Variants in SLC25A4 observed in about 807,000 individuals in gnomAD.
SLC25A4 encodes the protein ADP/ATP translocase 1.
SLC25A4 carries 10 observed loss-of-function variants against 24.7 expected under a neutral mutation model. That is an observed-to-expected ratio of 0.41 (90% CI 0.25 to 0.69). SLC25A4 has a LOEUF of 0.69. Among genes scored for constraint, SLC25A4 ranks in the 30% least tolerant of loss-of-function variants. The probability of loss-of-function intolerance (pLI) is 0.35; values close to 1 mark genes in which losing one functional copy is unlikely to be tolerated. For missense variants in SLC25A4, 273 were observed against 387.6 expected, an observed-to-expected ratio of 0.70 and a Z score of 2.48; for synonymous variants, 125 against 153.3, an observed-to-expected ratio of 0.82 and a Z score of 1.36.
chr4:185,144,699 T>C lies in SLC25A4; in HGVS notation c.112-65T>C. The C allele has an allele frequency of 2.6e-6, 4 of 1,536,892 alleles. No homozygotes were observed. The South Asian group carries it at 4.6e-5, about 18-fold the overall frequency. ...TCTAGGAAGTGCAAACCTTTTTTTT[T>C]CTCCTGTCCTCTTCCCTTCTCTCTA... On this transcript the variant is annotated intron_variant, in intron 1 of 3. Transcript: ENST00000281456.
At chr4:185,144,704 T>G in intron 1 of SLC25A4, 60 bp from the exon 2 acceptor site, 7 of 1,522,168 alleles carry the variant, frequency 4.6e-6, no homozygotes, top group Non-Finnish European at 5.4e-6. Context: ...TTTTTTCTCC[T>G]GTCCTCTTCC....
chr4:185,146,699 A>G, intron 3 of SLC25A4, 115 bp from the exon 4 acceptor site: 5 of 1,215,296 alleles, frequency 4.1e-6, no homozygotes, highest in Non-Finnish European at 6.1e-6. Context: ...CTGGGACTCC[A>G]TGCCCAGATG....
rs11555894 is a variant in SLC25A4 at position 185,143,376 on chromosome 4, G to A, written c.4G>A (p.Gly2Ser). The A allele has an allele frequency of 1.3e-6, 2 of 1,526,656 alleles. No homozygotes were observed. The highest frequency in any genetic ancestry group is 8.8e-7 in the Non-Finnish European group (1 of 1,131,578). The allele number at this position is 1,526,656 out of a possible 1,614,324, so 94.6% of individuals were successfully genotyped here. ...CTGAGAGCGTCGAGCTGTCACCATG[G>A]GTGATCACGCTTGGAGCTTCCTAAA... is the stretch of plus-strand genomic sequence containing the variant. M[G>S]DHAWSFLKDF... The change falls in exon 1 of 4, where the codon GGT becomes AGT. Residue 2 changes from glycine (G) to serine (S), a missense_variant. Physicochemically the swap from Gly to Ser is moderately conservative, Grantham distance 56. Transcript: ENST00000281456.
At position 185,149,995 on chromosome 4, in the gene SLC25A4, C is replaced by T. The variant is rs932276798; in HGVS notation, c.*3024C>T. On this transcript the variant is annotated 3_prime_UTR_variant, in exon 4 of 4. Coordinates refer to ENST00000281456, the MANE Select transcript of SLC25A4 (RefSeq NM_001151.4). ...TCTCAATTAACTGGGCGACTGCTCC[C>T]GTTCCATTTTATTCTGTAAAATATG... is the stretch of plus-strand genomic sequence containing the variant. 1 of 152,208 alleles carries T rather than the reference C, an allele frequency of 6.6e-6. No individual in the cohort carries two copies. The highest frequency in any genetic ancestry group is 2.1e-4 in the South Asian group (1 of 4,836). The allele number at this position is 152,208 out of a possible 1,614,324, so 9.4% of individuals were successfully genotyped here.
At position 185,146,907 on chromosome 4, in the gene SLC25A4, T is replaced by C. The variant is rs1476620723; in HGVS notation, c.833T>C (p.Val278Ala). ...KAFFKGAWSNVLRGMGGAFVL... is the reference protein window; with the variant it reads ...KAFFKGAWSNALRGMGGAFVL... ...TTCTTCAAAGGTGCCTGGTCCAATG[T>C]GCTGAGAGGCATGGGCGGTGCTTTT... is the stretch of plus-strand genomic sequence containing the variant. Residue 278 changes from valine (V) to alanine (A), a missense_variant, in exon 4 of 4, where the codon GTG (valine) becomes GCG (alanine). Coordinates refer to ENST00000281456, the MANE Select transcript of SLC25A4 (RefSeq NM_001151.4). The C allele has an allele frequency of 3.7e-6, 6 of 1,614,090 alleles. No individual in the cohort carries two copies. Among genetic ancestry groups the C allele is most frequent in the Non-Finnish European group, 5.1e-6 (6 of 1,180,046 alleles).
At position 185,144,830 on chromosome 4, in the gene SLC25A4, A is replaced by G; in HGVS notation, c.178A>G (p.Arg60Gly). Residue 60 changes from arginine to glycine, a missense_variant, in exon 2 of 4, where the codon AGA (arginine) becomes GGA (glycine). Coordinates refer to ENST00000281456, the MANE Select transcript of SLC25A4 (RefSeq NM_001151.4). ...CAAAGGGATCATTGATTGTGTGGTGAGAATCCCTAAGGAGCAGGGCTTCCT... is the reference window on the plus strand; with the variant it reads ...CAAAGGGATCATTGATTGTGTGGTGGGAATCCCTAAGGAGCAGGGCTTCCT... The part of the protein sequence containing the change: ...QYKGIIDCVV[R>G]IPKEQGFLSF... 1 of 1,614,200 alleles carries G rather than the reference A, an allele frequency of 6.2e-7. No homozygotes were observed. Among genetic ancestry groups the G allele is most frequent in the South Asian group, 1.1e-5 (1 of 91,084 alleles).
chr4:185,143,797 C>T (rs962938964), intron 1 of SLC25A4, among the ~76,000 whole-genome samples: 7 of 152,066 alleles, frequency 4.6e-5, no homozygotes, highest in Non-Finnish European at 1.0e-4. Context: ...TGCACTCAGG[C>T]CCGGAGGCAC....
Position 185,150,201 on chromosome 4 carries a change from A to C in SLC25A4, c.*3230A>C, listed in dbSNP as rs1419858940. 6.6e-6 allele frequency: 1 copy of C among 152,264 alleles called. No individual in the cohort carries two copies. The highest frequency in any genetic ancestry group is 2.4e-5 in the African/African-American group (1 of 41,458). The allele number at this position is 152,264 out of a possible 1,614,324, so 9.4% of individuals were successfully genotyped here. On this transcript the variant is annotated 3_prime_UTR_variant, in exon 4 of 4. Coordinates refer to ENST00000281456, the MANE Select transcript of SLC25A4 (RefSeq NM_001151.4). ...AGCGAGAAGGGAAAGTGCATCTAAA[A>C]AGCACAGGGAACCTACAAAATATTT...
At chr4:185,144,557 A>G (rs1734403342) in intron 1 of SLC25A4, among the ~76,000 whole-genome samples, 1 of 152,128 alleles carries the variant, frequency 6.6e-6, no homozygotes, top group Non-Finnish European at 1.5e-5. Flanking sequence ...CTAATAATTG[A>G]AGCAACATTG....
rs773929603 is a variant in SLC25A4 at position 185,145,210 on chromosome 4, C to T, written c.558C>T (p.Ile186=). The T allele has an allele frequency of 8.1e-6, 13 of 1,613,952 alleles. No homozygotes were observed. Among genetic ancestry groups the T allele is most frequent in the Middle Eastern group, 1.6e-4 (1 of 6,072 alleles). ...ACGTCTCTGTCCAAGGCATCATTATCTATAGAGCTGCCTACTTCGGAGTCT... is the reference window on the plus strand; with the variant it reads ...ACGTCTCTGTCCAAGGCATCATTATTTATAGAGCTGCCTACTTCGGAGTCT... ...GFNVSVQGII[I]YRAAYFGVYD... is the part of the protein sequence containing the mutation. Residue 186 remains isoleucine (I), a synonymous_variant, in exon 2 of 4, where the codon ATC becomes ATT. Coordinates refer to ENST00000281456, the MANE Select transcript of SLC25A4 (RefSeq NM_001151.4). The surrounding 1 kb of genome is among the most constrained non-coding windows in gnomAD (Gnocchi z 5.5).
At position 185,144,937 on chromosome 4, in the gene SLC25A4, C is replaced by T; in HGVS notation, c.285C>T (p.Tyr95=). 1 of 1,614,206 alleles carries T rather than the reference C, an allele frequency of 6.2e-7. No homozygotes were observed. The stretch of plus-strand genomic sequence containing the variant: ...TCAACTTCGCCTTCAAGGACAAGTA[C>T]AAGCAGCTCTTCTTAGGGGGTGTGG... ...QALNFAFKDK[Y]KQLFLGGVDR... Residue 95 remains tyrosine (Y), a synonymous_variant, in exon 2 of 4, where the codon TAC becomes TAT. Coordinates refer to ENST00000281456, the MANE Select transcript of SLC25A4 (RefSeq NM_001151.4).
Position 185,145,934 on chromosome 4 carries a change from G to A in SLC25A4, c.739+35G>A. ...TGCTCTACTCATCTAAACTTGTTTG[G>A]TTTTGCCCGAGGAGAACATTTTACA... On this transcript the variant is annotated intron_variant, in intron 3 of 3. Coordinates refer to ENST00000281456, the MANE Select transcript of SLC25A4 (RefSeq NM_001151.4). The surrounding 1 kb of genome is among the most constrained non-coding windows in gnomAD (Gnocchi z 5.5). 1.9e-6 allele frequency: 3 copies of A among 1,613,222 alleles called. No homozygotes were observed. The highest frequency in any genetic ancestry group is 2.5e-6 in the Non-Finnish European group (3 of 1,179,620).
rs1734377317 is a variant in SLC25A4, at chr4:185,143,318, C to T, written c.-55C>T. On this transcript the variant is annotated 5_prime_UTR_variant, in exon 1 of 4. Coordinates refer to ENST00000281456, the MANE Select transcript of SLC25A4 (RefSeq NM_001151.4). ...GACTGCGCGGCGGTGCCAGGCCGGG[C>T]GTGGGCGAGAGCACGAACGGGCTGC... 9.3e-7 allele frequency: 1 copy of T among 1,070,662 alleles called. No homozygotes were observed. The highest frequency in any genetic ancestry group is 1.4e-6 in the Non-Finnish European group (1 of 727,880). 66.3% of individuals were successfully genotyped at this position (1,070,662 alleles called of 1,614,324 possible). A position where few individuals can be genotyped will look rare whatever the true frequency, so the allele number is the denominator to read the frequency against.
Position 185,143,451 on chromosome 4 carries a change from GC to G in SLC25A4, c.84del (p.Ile29SerfsTer31). 2.7e-6 allele frequency: 4 copies of G among 1,504,040 alleles called. No homozygotes were observed. Among genetic ancestry groups the G allele is most frequent in the Non-Finnish European group, 3.6e-6 (4 of 1,122,484 alleles). 93.2% of individuals were successfully genotyped at this position (1,504,040 alleles called of 1,614,324 possible). On this transcript the variant is annotated frameshift_variant, in exon 1 of 4. Transcript: ENST00000281456. LOFTEE classifies it high-confidence loss of function. ...VAAAVSKTAV[A>X]PIERVKLLLQ... ...CGCTGCCGTCTCCAAGACCGCGGTC[GC>G]CCCCATCGAGAGGGTCAAACTGCTG... is the stretch of plus-strand genomic sequence containing the variant.
In SLC25A4 at chr4:185,145,427, CCT is replaced by C; in HGVS notation, c.598+180_598+181del. 1.1e-6 allele frequency: 1 copy of C among 940,086 alleles called. No individual in the cohort carries two copies. The highest frequency in any genetic ancestry group is 1.6e-5 in the South Asian group (1 of 60,828). The allele number at this position is 940,086 out of a possible 1,614,324, so 58.2% of individuals were successfully genotyped here. On this transcript the variant is annotated intron_variant, in intron 2 of 3. Coordinates refer to ENST00000281456, the MANE Select transcript of SLC25A4 (RefSeq NM_001151.4). The surrounding 1 kb of genome is among the most constrained non-coding windows in gnomAD (Gnocchi z 5.5). ...TTAATAGCTGAAGCGTTCCTTGTGTCCTCTACTGAAATAAACTCTGGCCTTTA... is the reference window on the plus strand; with the variant it reads ...TTAATAGCTGAAGCGTTCCTTGTGTCCTACTGAAATAAACTCTGGCCTTTA...
rs1484116880 is a variant in SLC25A4, at chr4:185,145,833, G to C, written c.673G>C (p.Gly225Arg). The change falls in exon 3 of 4, where the codon GGG becomes CGG. Residue 225 changes from glycine (G) to arginine (R), a missense_variant. Gly to Arg is a moderately radical substitution (Grantham distance 125). Coordinates refer to ENST00000281456, the MANE Select transcript of SLC25A4 (RefSeq NM_001151.4). This position sits in a 1 kb window ranked among gnomAD's most constrained non-coding sequence, Gnocchi z 5.5. ...TGCCCAGAGTGTGACGGCAGTCGCAGGGCTGGTGTCCTACCCCTTTGACAC... is the reference window on the plus strand; with the variant it reads ...TGCCCAGAGTGTGACGGCAGTCGCACGGCTGGTGTCCTACCCCTTTGACAC... Reference protein sequence around the residue: ...MIAQSVTAVAGLVSYPFDTVR... With the variant: ...MIAQSVTAVARLVSYPFDTVR... 6.2e-7 allele frequency: 1 copy of C among 1,614,192 alleles called. No homozygotes were observed. Among genetic ancestry groups the C allele is most frequent in the Non-Finnish European group, 8.5e-7 (1 of 1,180,022 alleles).
rs1408073787 is a variant in SLC25A4 at position 185,147,014 on chromosome 4, C to A, written c.*43C>A. On this transcript the variant is annotated 3_prime_UTR_variant, in exon 4 of 4. Transcript: ENST00000281456. ...TTCACAGATTTACAGTGAACTTGAT[C>A]TACAAGTTCACAGATCCATTGTGTG... is the stretch of plus-strand genomic sequence containing the variant. 5 of 1,541,666 alleles carry A rather than the reference C, an allele frequency of 3.2e-6. No homozygotes were observed. Among genetic ancestry groups the A allele is most frequent in the African/African-American group, 1.4e-5 (1 of 73,440 alleles).
At position 185,143,295 on chromosome 4, in the gene SLC25A4, C is replaced by A; in HGVS notation, c.-78C>A. On this transcript the variant is annotated 5_prime_UTR_variant, in exon 1 of 4. The change creates a new upstream start codon in the 5' untranslated region. Transcript: ENST00000281456. ...CCCTAGCGTCGCGCAGGGTCGGGGA[C>A]TGCGCGGCGGTGCCAGGCCGGGCGT... 2 of 816,648 alleles carry A rather than the reference C, an allele frequency of 2.4e-6. No homozygotes were observed. The highest frequency in any genetic ancestry group is 3.3e-5 in the East Asian group (1 of 30,274). 50.6% of individuals were successfully genotyped at this position (816,648 alleles called of 1,614,324 possible).
chr4:185,145,072 G>A lies in SLC25A4; in HGVS notation c.420G>A (p.Arg140=), dbSNP rs770115085. Residue 140 remains arginine, a synonymous_variant, in exon 2 of 4, where the codon AGG becomes AGA. Transcript: ENST00000281456. This position sits in a 1 kb window ranked among gnomAD's most constrained non-coding sequence, Gnocchi z 5.5. ...ACCCGCTGGACTTTGCTAGGACCAG[G>A]TTGGCTGCTGATGTGGGCAAGGGCG... ...FVYPLDFART[R]LAADVGKGAA... 3 of 1,614,018 alleles carry A rather than the reference G, an allele frequency of 1.9e-6. No individual in the cohort carries two copies. The highest frequency in any genetic ancestry group is 2.2e-5 in the South Asian group (2 of 91,080).
Sources: allele counts gnomAD v4.1 joint callset (sites outside exome capture counted in the v4.1 genomes callset), GRCh38; gene constraint gnomAD v4.1.1; non-coding constraint Gnocchi (gnomAD v3.1); transcripts MANE v1.5; gene names NCBI Gene and HGNC (gene_info 2026-07-23, HGNC 2026-07-21).